SLIT3: variants seen among roughly 807,000 people sequenced by gnomAD.
SLIT3 encodes slit guidance ligand 3, also known as slit homolog 3 protein.
Under a neutral mutation model 184.0 loss-of-function variants are expected in SLIT3, and 68 were observed. The observed-to-expected ratio is 0.37, with a 90% confidence interval of 0.30 to 0.45. The LOEUF (loss-of-function observed/expected upper bound fraction) is 0.45, where lower values mean the gene tolerates loss of function less well. SLIT3 is among the 20% of genes least tolerant of loss of function. The pLI, the probability that SLIT3 is intolerant of heterozygous loss-of-function variation, is 1.00. For missense variants in SLIT3, 1,707 were observed against 2,026.0 expected (o/e 0.84, Z 3.02); for synonymous variants, 831 against 828.6 (o/e 1.00, Z -0.05).
intron 4 of SLIT3, among the ~76,000 whole-genome samples, chr5:169,077,374 G>GA (rs1237860917): frequency 2.5e-4 from 38 of 151,792 alleles, no homozygotes; most frequent in Non-Finnish European, 4.4e-4. Context: ...CGTCTCTACT[G>GA]AAAAAATACA....
intron 3 of SLIT3, among the ~76,000 whole-genome samples, chr5:169,215,590 A>G (rs1440049428): frequency 6.6e-6 from 1 of 152,184 alleles, no homozygotes; most frequent in South Asian, 2.1e-4. Context: ...AGTGTGGCTG[A>G]GTTCCAATAA....
chr5:168,802,030 G>A (rs1756782303), intron 9 of SLIT3, among the ~76,000 whole-genome samples: 1 of 151,764 alleles, frequency 6.6e-6, no homozygotes, highest in South Asian at 2.1e-4. Context: ...ATCACTAGTA[G>A]CTAAGGATTG....
intron 1 of SLIT3, among the ~76,000 whole-genome samples, chr5:169,280,802 T>C (rs2113646121): frequency 6.6e-6 from 1 of 152,296 alleles, no homozygotes; most frequent in South Asian, 2.1e-4. Flanking sequence ...GATGACTTGC[T>C]GTGTGACTTT....
intron 4 of SLIT3, chr5:169,013,401 C>A (rs574344536): frequency 6.6e-6 from 1 of 152,298 alleles, no homozygotes; most frequent in African/African-American, 2.4e-5. Flanking sequence ...ACGTCAGGGC[C>A]CCCAGGATGG....
chr5:168,990,821 G>C (rs1314154107), intron 4 of SLIT3, among the ~76,000 whole-genome samples: 1 of 152,174 alleles, frequency 6.6e-6, no homozygotes. Flanking sequence ...GGAGGTCTTA[G>C]AGAAAAACAA....
At chr5:169,254,088 A>T (rs1452680466) in intron 1 of SLIT3, among the ~76,000 whole-genome samples, 1 of 151,986 alleles carries the variant, frequency 6.6e-6, no homozygotes, top group Non-Finnish European at 1.5e-5. Context: ...CTAGCCCCCA[A>T]CTCCACACAG....
chr5:168,806,513 T>C lies in SLIT3; in HGVS notation c.868A>G (p.Ile290Val). The C allele has an allele frequency of 6.2e-7, 1 of 1,614,052 alleles. No individual in the cohort carries two copies. The highest frequency in any genetic ancestry group is 2.2e-5 in the East Asian group (1 of 44,858). Residue 290 changes from isoleucine to valine, a missense_variant, in exon 9 of 36, where the codon ATC becomes GTC. Physicochemically the swap from Ile to Val is conservative, Grantham distance 29 (BLOSUM62 3). Coordinates refer to ENST00000519560, the MANE Select transcript of SLIT3 (RefSeq NM_003062.4). ...AAGCCCTTTCCTCGACAGTCCACGA[T>C]GTTATTGCTGCACGTGCAGGGCGAA... ...CPSPCTCSNN[I>V]VDCRGKGLME...
At chr5:169,263,731 G>A (rs373720630) in intron 1 of SLIT3, 5 of 505,688 alleles carry the variant, frequency 9.9e-6, no homozygotes, top group South Asian at 2.9e-5. Context: ...GCTCCATCTC[G>A]TGCTGGCTTC....
intron 4 of SLIT3, among the ~76,000 whole-genome samples, chr5:168,979,439 G>A (rs1369762108): frequency 6.6e-6 from 1 of 152,222 alleles, no homozygotes; most frequent in Non-Finnish European, 1.5e-5. Context: ...CAGAGAGGCA[G>A]AGGATACCAA....
chr5:168,788,993 G>A (rs957259840), intron 11 of SLIT3, among the ~76,000 whole-genome samples: 2 of 152,020 alleles, frequency 1.3e-5, no homozygotes, highest in Non-Finnish European at 2.9e-5. Flanking sequence ...CCTTCCTGCC[G>A]GCAGGGGTCT....
chr5:169,159,426 C>CA (rs993435122), intron 4 of SLIT3, among the ~76,000 whole-genome samples: 89 of 151,084 alleles, frequency 5.9e-4, no homozygotes, highest in African/African-American at 2.0e-3. Context: ...AACTCCATCT[C>CA]AAAAAAACAA....
chr5:168,851,691 T>C (rs1368904166), intron 5 of SLIT3, among the ~76,000 whole-genome samples: 2 of 152,206 alleles, frequency 1.3e-5, no homozygotes, highest in Admixed American at 6.5e-5. Context: ...TTCCCTGTTT[T>C]AGCATTGAAA....
intron 7 of SLIT3, among the ~76,000 whole-genome samples, chr5:168,818,062 T>C (rs895790762): frequency 4.0e-5 from 6 of 148,270 alleles, no homozygotes; most frequent in African/African-American, 1.6e-4. Flanking sequence ...GGGAAATTTT[T>C]AGAGGATGTA....
chr5:169,125,618 A>G (rs1297871664), intron 4 of SLIT3, among the ~76,000 whole-genome samples: 2 of 152,088 alleles, frequency 1.3e-5, no homozygotes, highest in Non-Finnish European at 2.9e-5. Flanking sequence ...GCCAGATGCC[A>G]TTGTCAGAAT....
intron 20 of SLIT3, among the ~76,000 whole-genome samples, chr5:168,743,195 G>T (rs7724439): frequency 5.9e-5 from 9 of 151,992 alleles, no homozygotes; most frequent in African/African-American, 1.9e-4. Context: ...AGGGTACTGC[G>T]TACCTTGTTT....
At chr5:168,910,126 TC>T (rs533113915) in intron 4 of SLIT3, among the ~76,000 whole-genome samples, 48 of 152,306 alleles carry the variant, frequency 3.2e-4, no homozygotes, top group Non-Finnish European at 6.6e-4. Context: ...AATTGTCTTC[TC>T]CCCTTGATGA....
At chr5:168,815,630 A>G (rs1196191126) in intron 8 of SLIT3, among the ~76,000 whole-genome samples, 1 of 152,232 alleles carries the variant, frequency 6.6e-6, no homozygotes, top group Non-Finnish European at 1.5e-5. Context: ...GAAGTTATTG[A>G]GGTACTGCTT....
At chr5:168,770,120 C>T (rs1755495528) in intron 14 of SLIT3, among the ~76,000 whole-genome samples, 1 of 152,180 alleles carries the variant, frequency 6.6e-6, no homozygotes, top group African/African-American at 2.4e-5. Flanking sequence ...CTTGGGGTCC[C>T]AGGCAGCCAG....
At chr5:169,238,698 A>G (rs1183957747) in intron 3 of SLIT3, among the ~76,000 whole-genome samples, 3 of 151,904 alleles carry the variant, frequency 2.0e-5, no homozygotes, top group Non-Finnish European at 4.4e-5. Flanking sequence ...TATTTCTACT[A>G]TTGTTCCTTT....
Sources: gnomAD v4.1 joint callset for allele counts (sites outside exome capture counted in the v4.1 genomes callset) on GRCh38, gnomAD v4.1.1 for gene constraint, MANE v1.5 for transcripts, NCBI Gene and HGNC (gene_info 2026-07-23, HGNC 2026-07-21) for gene names.